The following TULP4 variants were observed in gnomAD, a reference collection of about 807,000 sequenced individuals.
The protein encoded by TULP4 is tubby-related protein 4.
In TULP4, 16 loss-of-function variants were observed where a neutral mutation model predicts 129.0. The ratio of observed to expected loss-of-function variants is 0.12; its 90% confidence interval spans 0.08 to 0.19. The LOEUF (loss-of-function observed/expected upper bound fraction) is 0.19. Ranked by LOEUF, TULP4 falls within the 10% of genes least tolerant of loss-of-function variation. The pLI, the probability that TULP4 is intolerant of heterozygous loss-of-function variation, is 1.00. For missense variants in TULP4, 1,842 were observed against 2,059.1 expected, an observed-to-expected ratio of 0.89 and a Z score of 2.04; for synonymous variants, 998 against 854.0, an observed-to-expected ratio of 1.17 and a Z score of -2.94.
At chr6:158,314,342 C>T in intron 1 of TULP4, 74 bp downstream of exon 1, 5 of 1,533,006 alleles carry the variant, frequency 3.3e-6, no homozygotes, top group Non-Finnish European at 4.4e-6. Flanking sequence ...CTTGAAACTT[C>T]CTTCATTTCA....
At chr6:158,239,935 CA>C (rs1329591117) in intron 1 of TULP4, among the ~76,000 whole-genome samples, 1 of 37,096 alleles carries the variant, frequency 2.7e-5, no homozygotes, top group Non-Finnish European at 6.2e-5. Flanking sequence ...GCTGGCCGGG[CA>C]GGGGGGCTGA....
chr6:158,275,713 G>A (rs1301797725), intron 1 of TULP4, among the ~76,000 whole-genome samples: 1 of 152,206 alleles, frequency 6.6e-6, no homozygotes, highest in African/African-American at 2.4e-5. Flanking sequence ...GAGAATTTCT[G>A]TAGTAAGCAA....
intron 1 of TULP4, among the ~76,000 whole-genome samples, chr6:158,362,414 G>A (rs1351847294): frequency 6.6e-6 from 1 of 151,992 alleles, no homozygotes; most frequent in Non-Finnish European, 1.5e-5. Context: ...CAGTGATGCA[G>A]TCATAGTTCA....
intron 1 of TULP4, among the ~76,000 whole-genome samples, chr6:158,392,078 G>A (rs996321733): frequency 2.6e-5 from 4 of 152,192 alleles, no homozygotes; most frequent in African/African-American, 9.7e-5. Flanking sequence ...CAAAAGAAAG[G>A]TTTAATGGAC....
In TULP4 at chr6:158,502,472, C is replaced by A. The variant is rs1315832866; in HGVS notation, c.2809C>A (p.Pro937Thr). ...GGCCACTGAGAAGAAGGTCCCTCAG[C>A]CCTGCAGCAGTGCCACCCTGAACCG... Reference protein sequence around the residue: ...LTATEKKVPQPCSSATLNRLT... With the variant: ...LTATEKKVPQTCSSATLNRLT... The change falls in exon 13 of 14, where the codon CCC (proline) becomes ACC (threonine). Residue 937 changes from proline (P) to threonine (T), a missense_variant. Physicochemically the swap from Pro to Thr is conservative, Grantham distance 38 (BLOSUM62 -1). Around this residue, in one of 5 missense-constraint regions of TULP4, gnomAD observed 1,089 missense variants for 987.1 expected, o/e 1.10. Transcript: ENST00000367097. 1 of 1,613,480 alleles carries A rather than the reference C, an allele frequency of 6.2e-7. No individual in the cohort carries two copies. The highest frequency in any genetic ancestry group is 8.5e-7 in the Non-Finnish European group (1 of 1,179,918).
At chr6:158,461,421 A>G (rs1460868479) in intron 5 of TULP4, 142 bp from the exon 6 acceptor site, 4 of 877,610 alleles carry the variant, frequency 4.6e-6, no homozygotes, top group South Asian at 2.1e-5. Context: ...CAAAAAAAAA[A>G]AAAAAGGAAA....
chr6:158,271,106 C>T lies in TULP4; in HGVS notation n.68+38803C>T, dbSNP rs552246723. ...TGGAGGTTGCAGTTAGCCGAGATCGCGCCACTGTACTCCAGCCTGGGTGAC... is the reference window on the plus strand; with the variant it reads ...TGGAGGTTGCAGTTAGCCGAGATCGTGCCACTGTACTCCAGCCTGGGTGAC... On this transcript the variant is annotated intron_variant and non_coding_transcript_variant, in intron 1 of 1. Transcript: ENST00000620026. Among the ~76,000 whole-genome samples, 53 of 148,620 alleles carry T rather than the reference C, an allele frequency of 3.6e-4. No homozygotes were observed. The South Asian group carries it at 4.2e-3, about 12-fold the overall frequency.
intron 1 of TULP4, among the ~76,000 whole-genome samples, chr6:158,341,702 G>T (rs1024900713): frequency 3.9e-5 from 6 of 151,930 alleles, no homozygotes; most frequent in African/African-American, 7.3e-5. Context: ...ATGGCCATTT[G>T]TATGTCTTCT....
chr6:158,265,154 C>T (rs926747437), intron 1 of TULP4, among the ~76,000 whole-genome samples: 1 of 152,180 alleles, frequency 6.6e-6, no homozygotes, highest in East Asian at 1.9e-4. Context: ...TGTTCACTTG[C>T]AGATGGGAAA....
chr6:158,318,756 C>T (rs907249583), intron 1 of TULP4, among the ~76,000 whole-genome samples: 4 of 152,002 alleles, frequency 2.6e-5, no homozygotes, highest in Non-Finnish European at 4.4e-5. Context: ...GACAGAGCTT[C>T]GCTCTCTTCC....
chr6:158,499,827 C>T (rs1281067199), intron 12 of TULP4, among the ~76,000 whole-genome samples: 1 of 152,124 alleles, frequency 6.6e-6, no homozygotes, highest in Non-Finnish European at 1.5e-5. Context: ...CTTCTCTCAG[C>T]CCAGTCTTTT....
intron 1 of TULP4, among the ~76,000 whole-genome samples, chr6:158,240,560 C>T (rs1413378637): frequency 5.5e-5 from 5 of 90,930 alleles, no homozygotes; most frequent in African/African-American, 1.4e-4. Context: ...GGCGGCTGGC[C>T]GGGCAGAGGG....
chr6:158,254,495 GTT>G (rs1562495770), intron 1 of TULP4, among the ~76,000 whole-genome samples: 1 of 152,134 alleles, frequency 6.6e-6, no homozygotes, highest in African/African-American at 2.4e-5. Flanking sequence ...ACATACTTCA[GTT>G]TGGCCAGATA....
rs1780016314 is a variant in TULP4 at position 158,484,312 on chromosome 6, A to G, written c.1486+3023A>G. Among the ~76,000 whole-genome samples the G allele has an allele frequency of 4.7e-5, 7 of 148,094 alleles. No individual in the cohort carries two copies. In the South Asian group the frequency reaches 1.5e-3, roughly 32 times the overall value. On this transcript the variant is annotated intron_variant, in intron 8 of 13. Transcript: ENST00000367097. ...CAGACTGGAGTGCAGTGGTATGATC[A>G]TAGTGCACTTTTTTTTTTTGTAGAG...
chr6:158,360,072 C>T (rs1303658658), intron 1 of TULP4, among the ~76,000 whole-genome samples: 2 of 151,546 alleles, frequency 1.3e-5, no homozygotes, highest in African/African-American at 4.9e-5. Context: ...CAGTTGAAGC[C>T]TTCCCCCCTT....
chr6:158,331,223 A>G (rs1172640653), intron 1 of TULP4, among the ~76,000 whole-genome samples: 1 of 152,044 alleles, frequency 6.6e-6, no homozygotes, highest in Non-Finnish European at 1.5e-5. Flanking sequence ...AGTCTTTTCT[A>G]TGATGGTTGC....
intron 5 of TULP4, among the ~76,000 whole-genome samples, chr6:158,452,747 A>G (rs1263464450): frequency 6.6e-6 from 1 of 152,214 alleles, no homozygotes; most frequent in African/African-American, 2.4e-5. Flanking sequence ...AGGTTCTGCA[A>G]TTACTAGACT....
In TULP4 at chr6:158,365,063, T is replaced by G. The variant is rs1171645685; in HGVS notation, c.253-48002T>G. On this transcript the variant is annotated intron_variant, in intron 1 of 13. Transcript: ENST00000367097. ...AGATTTGTTTTTATCCAGTCTCTGCTTGGCACTCATTGCGAGCTTTCAGAA... is the reference window on the plus strand; with the variant it reads ...AGATTTGTTTTTATCCAGTCTCTGCGTGGCACTCATTGCGAGCTTTCAGAA... Among the ~76,000 whole-genome samples, 3 of 151,888 alleles carry G rather than the reference T, an allele frequency of 2.0e-5. No individual in the cohort carries two copies. In the East Asian group the frequency reaches 5.8e-4, roughly 29 times the overall value.
At chr6:158,326,840 C>T (rs1779757333) in intron 1 of TULP4, among the ~76,000 whole-genome samples, 1 of 152,164 alleles carries the variant, frequency 6.6e-6, no homozygotes, top group African/African-American at 2.4e-5. Flanking sequence ...ATGGTTTGAA[C>T]TTTGTGGATC....
Sources: gnomAD v4.1 joint callset for allele counts (sites outside exome capture counted in the v4.1 genomes callset) on GRCh38, gnomAD v4.1.1 for gene constraint, gnomAD v4.1.1 regional missense constraint, MANE v1.5 for transcripts, NCBI Gene and HGNC (gene_info 2026-07-23, HGNC 2026-07-21) for gene names.